The following CDC37 variants were observed in gnomAD, a reference collection of about 807,000 sequenced individuals.
CDC37 encodes the protein cell division cycle 37, HSP90 cochaperone, also known as hsp90 co-chaperone Cdc37.
In CDC37, 9 loss-of-function variants were observed where a neutral mutation model predicts 46.9. The observed-to-expected ratio is 0.19, with a 90% CI of 0.12 to 0.33. CDC37 has a LOEUF of 0.33. Ranked by LOEUF, CDC37 falls within the 10% of genes least tolerant of loss-of-function variation. CDC37 has a pLI of 1.00. For synonymous variants in CDC37, 193 were observed against 191.0 expected, an observed-to-expected ratio of 1.01 and a Z score of -0.09; for missense variants, 388 against 514.6, an observed-to-expected ratio of 0.75 and a Z score of 2.38.
chr19:10,395,435 C>G lies in CDC37; in HGVS notation c.487G>C (p.Gly163Arg). 6.2e-7 allele frequency: 1 copy of G among 1,613,474 alleles called. No homozygotes were observed. The highest frequency in any genetic ancestry group is 8.5e-7 in the Non-Finnish European group (1 of 1,179,320). Residue 163 changes from glycine to arginine, a missense_variant and splice_region_variant, in exon 3 of 8, where the codon GGC becomes CGC. Around this residue, in one of 2 missense-constraint regions of CDC37, gnomAD observed 374 missense variants for 467.4 expected, o/e 0.80. Coordinates refer to ENST00000222005, the MANE Select transcript of CDC37 (RefSeq NM_007065.4). ...EKYEKQIKHF[G>R]MLRRWDDSQK... ...CCCATAACCCACAAGCCCCACTCACCAAAGTGCTTGATCTGTTTCTCGTAT... is the reference window on the plus strand; with the variant it reads ...CCCATAACCCACAAGCCCCACTCACGAAAGTGCTTGATCTGTTTCTCGTAT...
chr19:10,394,933 G>C, intron 5 of CDC37, 88 bp downstream of exon 5: 3 of 1,396,508 alleles, frequency 2.1e-6, no homozygotes, highest in Non-Finnish European at 2.9e-6. Flanking sequence ...TTGAGTCCCA[G>C]TGGAGAGGAG....
In CDC37 at chr19:10,391,286, C is replaced by G. The variant is rs1057521; in HGVS notation, c.*265G>C. The G allele has an allele frequency of 2.0e-6, 1 of 493,474 alleles. No homozygotes were observed. Among genetic ancestry groups the G allele is most frequent in the African/African-American group, 2.0e-5 (1 of 51,232 alleles). 30.6% of individuals were successfully genotyped at this position (493,474 alleles called of 1,614,324 possible). A position where few individuals can be genotyped will look rare whatever the true frequency, so the allele number is the denominator to read the frequency against. ...ACCTGGTAGACCAGCCTGGTGACCT[C>G]TGCCCTTCCCCGGACCCCCGGGCCT... is the stretch of plus-strand genomic sequence containing the variant. On this transcript the variant is annotated 3_prime_UTR_variant, in exon 8 of 8. Coordinates refer to ENST00000222005, the MANE Select transcript of CDC37 (RefSeq NM_007065.4).
rs749856611 is a variant in CDC37, at chr19:10,391,616, C to G, written c.1072G>C (p.Gly358Arg). Residue 358 changes from glycine to arginine, a missense_variant, in exon 8 of 8, where the codon GGT (glycine) becomes CGT (arginine). Gly to Arg is a moderately radical substitution (Grantham distance 125). This residue lies in a region of CDC37 where 374 missense variants were observed against 467.4 expected (regional missense o/e 0.80). Coordinates refer to ENST00000222005, the MANE Select transcript of CDC37 (RefSeq NM_007065.4). ...GCTTCCAGTAATGGGTCCCCAGGAC[C>G]TGCCTCCTCTCCCTCCTTGGCCTCG... ...ASEAKEGEEA[G>R]PGDPLLEAVP... The G allele has an allele frequency of 1.5e-5, 25 of 1,614,124 alleles. No individual in the cohort carries two copies. The African/African-American group carries it at 3.3e-4, about 22-fold the overall frequency.
intron 1 of CDC37, chr19:10,400,812 GCCA>G (rs2023509097): frequency 6.6e-6 from 1 of 151,546 alleles, no homozygotes; most frequent in Admixed American, 6.6e-5. Context: ...ATAGGCATGT[GCCA>G]CCACATGTGG....
intron 1 of CDC37, among the ~76,000 whole-genome samples, chr19:10,401,198 T>C (rs1006852899): frequency 4.6e-5 from 7 of 152,168 alleles, no homozygotes; most frequent in Admixed American, 4.6e-4. Context: ...GGCCATATTA[T>C]CCCAGGTTTC....
At chr19:10,395,830 CG>C in intron 2 of CDC37, 97 bp downstream of exon 2, 1 of 1,397,316 alleles carries the variant, frequency 7.2e-7, no homozygotes, top group Non-Finnish European at 9.9e-7. Context: ...ACTACACCAC[CG>C]GGGTCCTCCC....
intron 1 of CDC37, among the ~76,000 whole-genome samples, chr19:10,402,483 C>G (rs1398489501): frequency 2.0e-5 from 3 of 152,004 alleles, no homozygotes; most frequent in Admixed American, 6.6e-5. Flanking sequence ...GGGTTCTGGG[C>G]TTGAGTTAGG....
At chr19:10,394,058 C>T (rs1177086480) in intron 5 of CDC37, among the ~76,000 whole-genome samples, 1 of 152,028 alleles carries the variant, frequency 6.6e-6, no homozygotes, top group Non-Finnish European at 1.5e-5. Flanking sequence ...CTACTGCACT[C>T]CAGCCTGGGC....
At chr19:10,395,661 C>T in intron 2 of CDC37, 118 bp from the exon 3 acceptor site, 1 of 919,808 alleles carries the variant, frequency 1.1e-6, no homozygotes, top group East Asian at 2.4e-5. Flanking sequence ...GTGACGAAGC[C>T]ATGAGCATCA....
In CDC37 at chr19:10,395,555, T is replaced by G. The variant is rs2042483861; in HGVS notation, c.379-12A>C. 1 of 1,598,074 alleles carries G rather than the reference T, an allele frequency of 6.3e-7. No individual in the cohort carries two copies. ...GTATTTACCATGCTCTGTGGTAGGGTGAGAGGGGGAGTGGGCTGGGGCAAG... is the reference window on the plus strand; with the variant it reads ...GTATTTACCATGCTCTGTGGTAGGGGGAGAGGGGGAGTGGGCTGGGGCAAG... On this transcript the variant is annotated splice_polypyrimidine_tract_variant and intron_variant, in intron 2 of 7. Transcript: ENST00000222005.
In CDC37 at chr19:10,396,576, A is replaced by C. The variant is rs1599381364; in HGVS notation, c.103-373T>G. 2.0e-5 allele frequency among the ~76,000 whole-genome samples: 3 copies of C among 152,106 alleles called. No individual in the cohort carries two copies. Among genetic ancestry groups the C allele is most frequent in the Admixed American group, 2.0e-4 (3 of 15,262 alleles). ...TTTTTTTTGTTTAAGAAAACAAAAC[A>C]AAACAAAACAAAAAACAGGGTCTCA... is the stretch of plus-strand genomic sequence containing the variant. On this transcript the variant is annotated intron_variant, in intron 1 of 7. Coordinates refer to ENST00000222005, the MANE Select transcript of CDC37 (RefSeq NM_007065.4). The surrounding 1 kb of genome is among the most constrained non-coding windows in gnomAD (Gnocchi z 5.9).
At position 10,403,492 on chromosome 19, in the gene CDC37, GC is replaced by G; in HGVS notation, c.-14del. 1 of 1,602,352 alleles carries G rather than the reference GC, an allele frequency of 6.2e-7. No individual in the cohort carries two copies. The highest frequency in any genetic ancestry group is 8.5e-7 in the Non-Finnish European group (1 of 1,171,136). ...TGTAGTCCACCATCTTGCCTTGGCG[GC>G]CCAGCCCGCTCCGGCTCGGGTGGCG... On this transcript the variant is annotated 5_prime_UTR_variant, in exon 1 of 8. Transcript: ENST00000222005.
At chr19:10,392,309 A>G (rs1426949435) in intron 7 of CDC37, among the ~76,000 whole-genome samples, 2 of 152,156 alleles carry the variant, frequency 1.3e-5, no homozygotes, top group Non-Finnish European at 2.9e-5. Context: ...TCTTTGTTCT[A>G]ATAAAACTTT....
intron 1 of CDC37, 40 bp downstream of exon 1, chr19:10,403,338 G>A (rs772981544): frequency 1.4e-6 from 2 of 1,474,138 alleles, no homozygotes; most frequent in South Asian, 1.1e-5. Context: ...TCCGAAGCGG[G>A]GTCCGGGAGT....
In CDC37 at chr19:10,396,161, C is replaced by T. The variant is rs1429182336; in HGVS notation, c.145G>A (p.Glu49Lys). The change falls in exon 2 of 8, where the codon GAA becomes AAA. Residue 49 changes from glutamate to lysine, a missense_variant. Around this residue, in one of 2 missense-constraint regions of CDC37, gnomAD observed 374 missense variants for 467.4 expected, o/e 0.80. Transcript: ENST00000222005. This position sits in a 1 kb window ranked among gnomAD's most constrained non-coding sequence, Gnocchi z 5.9. ...CACTCGCGGCAGCCCCTGTCCAGTT[C>T]CTCCTTCTCCTTCTGGAACTGCTCC... ...RMEQFQKEKE[E>K]LDRGCRECKR... The T allele has an allele frequency of 6.2e-7, 1 of 1,614,088 alleles. No homozygotes were observed. Among genetic ancestry groups the T allele is most frequent in the South Asian group, 1.1e-5 (1 of 91,080 alleles).
At chr19:10,394,447 C>G (rs1257777558) in intron 5 of CDC37, among the ~76,000 whole-genome samples, 1 of 152,164 alleles carries the variant, frequency 6.6e-6, no homozygotes, top group Non-Finnish European at 1.5e-5. Context: ...TCAAGTGATC[C>G]TCCTGCCTCA....
intron 2 of CDC37, 84 bp downstream of exon 2, chr19:10,395,844 G>T: frequency 1.4e-6 from 2 of 1,462,604 alleles, no homozygotes; most frequent in Non-Finnish European, 1.9e-6. Context: ...GTCCTCCCCT[G>T]ACCAGGCATT....
rs1395254411 is a variant in CDC37 at position 10,396,540 on chromosome 19, T to A, written c.103-337A>T. Among the ~76,000 whole-genome samples the A allele has an allele frequency of 6.6e-6, 1 of 152,110 alleles. No homozygotes were observed. The highest frequency in any genetic ancestry group is 1.9e-4 in the East Asian group (1 of 5,196). Reference sequence around the variant, plus strand: ...CCAGCCCCTCACTTTTCTCACCTTTTCTTGAGGCCATTTTTTTTGTTTAAG... The same window carrying A: ...CCAGCCCCTCACTTTTCTCACCTTTACTTGAGGCCATTTTTTTTGTTTAAG... On this transcript the variant is annotated intron_variant, in intron 1 of 7. Transcript: ENST00000222005. The surrounding 1 kb of genome is among the most constrained non-coding windows in gnomAD (Gnocchi z 5.9).
chr19:10,402,450 G>C (rs2042524458), intron 1 of CDC37, among the ~76,000 whole-genome samples: 1 of 152,078 alleles, frequency 6.6e-6, no homozygotes, highest in Non-Finnish European at 1.5e-5. Flanking sequence ...AACAGGCTGG[G>C]GACAAAAGGT....
Sources: allele counts gnomAD v4.1 joint callset (sites outside exome capture counted in the v4.1 genomes callset), GRCh38; gene constraint gnomAD v4.1.1; regional missense constraint gnomAD v4.1.1; non-coding constraint Gnocchi (gnomAD v3.1); transcripts MANE v1.5; gene names NCBI Gene and HGNC (gene_info 2026-07-23, HGNC 2026-07-21).